Variants in TGM2 observed in about 807,000 individuals in gnomAD.
TGM2 encodes the protein transglutaminase 2.
Under a neutral mutation model 75.6 loss-of-function variants are expected in TGM2, and 53 were observed. The ratio of observed to expected loss-of-function variants is 0.70; its 90% confidence interval spans 0.56 to 0.88. The LOEUF is 0.88. TGM2 is among the 40% of genes least tolerant of loss of function. TGM2 has a pLI of 0.00. For synonymous variants in TGM2, 374 were observed against 381.1 expected, an observed-to-expected ratio of 0.98 and a Z score of 0.22; for missense variants, 842 against 928.5, an observed-to-expected ratio of 0.91 and a Z score of 1.21.
rs45595442 is a variant in TGM2 at position 38,129,644 on chromosome 20, G to A, written c.*575C>T. ...TGTGGGAGGCACCCAGCACATAGTAGGTGCTTCACAATGGTGAGGTTGAGG... is the reference window on the plus strand; with the variant it reads ...TGTGGGAGGCACCCAGCACATAGTAAGTGCTTCACAATGGTGAGGTTGAGG... On this transcript the variant is annotated 3_prime_UTR_variant, in exon 13 of 13. Coordinates refer to ENST00000361475, the MANE Select transcript of TGM2 (RefSeq NM_004613.4). 0.054 allele frequency: 8,315 copies of A among 154,780 alleles called. 674 individuals are homozygous for A. Among genetic ancestry groups the A allele is most frequent in the African/African-American group, 0.18 (7,397 of 41,536 alleles). The allele number at this position is 154,780 out of a possible 1,614,324, so 9.6% of individuals were successfully genotyped here.
chr20:38,134,590 T>C (rs2074875275), intron 10 of TGM2, among the ~76,000 whole-genome samples: 2 of 152,084 alleles, frequency 1.3e-5, no homozygotes, highest in African/African-American at 4.8e-5. Context: ...GTATGGTCAG[T>C]CTCAACCATT....
chr20:38,155,501 C>CAT (rs1209144218), intron 3 of TGM2, among the ~76,000 whole-genome samples: 1 of 152,068 alleles, frequency 6.6e-6, no homozygotes, highest in East Asian at 1.9e-4. Context: ...ACTACCACAC[C>CAT]CAGCTACTGT....
chr20:38,131,451 G>A (rs1200480785), intron 11 of TGM2, among the ~76,000 whole-genome samples: 2 of 148,824 alleles, frequency 1.3e-5, no homozygotes, highest in African/African-American at 5.0e-5. Flanking sequence ...GAGGCTCCAC[G>A]TGACCCAGGG....
At position 38,138,166 on chromosome 20, in the gene TGM2, C is replaced by A. The variant is rs1258477271; in HGVS notation, c.1562G>T (p.Gly521Val). ...ARTVSYNGIL[G>V]PECGTKYLLN... ...CAGGTACTTGGTGCCACACTCGGGC[C>A]CCAAGATCCCATTGTAGCTGACGGT... Residue 521 changes from glycine to valine, a missense_variant, in exon 10 of 13, where the codon GGG becomes GTG. Coordinates refer to ENST00000361475, the MANE Select transcript of TGM2 (RefSeq NM_004613.4). 1 of 1,604,882 alleles carries A rather than the reference C, an allele frequency of 6.2e-7. No individual in the cohort carries two copies. The highest frequency in any genetic ancestry group is 8.5e-7 in the Non-Finnish European group (1 of 1,175,906).
chr20:38,167,046 CTGAG>C (rs1358227197), upstream of TGM2, among the ~76,000 whole-genome samples: 1 of 152,144 alleles, frequency 6.6e-6, no homozygotes, highest in Non-Finnish European at 1.5e-5. Flanking sequence ...CCTCACAGGC[CTGAG>C]TAAGACTCAA....
chr20:38,131,420 T>C (rs2074832448), intron 11 of TGM2, among the ~76,000 whole-genome samples, 191 bp from the exon 12 acceptor site: 1 of 144,474 alleles, frequency 6.9e-6, no homozygotes, highest in African/African-American at 2.6e-5. Context: ...CCGGCCCAGG[T>C]CTCCTGCATG....
upstream of TGM2, chr20:38,165,294 C>A: frequency 6.3e-7 from 1 of 1,585,244 alleles, no homozygotes; most frequent in Non-Finnish European, 8.6e-7. Context: ...GCGGCGCTAA[C>A]TTATAGCCCG....
chr20:38,132,257 T>C, intron 11 of TGM2, 83 bp downstream of exon 11: 1 of 1,492,754 alleles, frequency 6.7e-7, no homozygotes, highest in Non-Finnish European at 9.3e-7. Context: ...GGGATGCAGG[T>C]GTGTGGGGTG....
intron 6 of TGM2, among the ~76,000 whole-genome samples, chr20:38,145,070 T>C (rs1177366945): frequency 3.9e-5 from 6 of 152,068 alleles, no homozygotes; most frequent in Non-Finnish European, 8.8e-5. Flanking sequence ...GAGGGAAGTG[T>C]CTGGCATGAA....
In TGM2 at chr20:38,128,748, G is replaced by C. The variant is rs1352984447; in HGVS notation, c.*1471C>G. The C allele has an allele frequency of 6.6e-6, 1 of 152,260 alleles. No homozygotes were observed. Among genetic ancestry groups the C allele is most frequent in the African/African-American group, 2.4e-5 (1 of 41,458 alleles). The allele number at this position is 152,260 out of a possible 1,614,324, so 9.4% of individuals were successfully genotyped here. A position where few individuals can be genotyped will look rare whatever the true frequency, so the allele number is the denominator to read the frequency against. ...AGAATCCCCAATTCTTCCAGCCCAA[G>C]GGAGGCCCAGTCATGTAGAAAGAGC... On this transcript the variant is annotated 3_prime_UTR_variant, in exon 13 of 13. Coordinates refer to ENST00000361475, the MANE Select transcript of TGM2 (RefSeq NM_004613.4).
chr20:38,166,065 G>A (rs888772276), upstream of TGM2, among the ~76,000 whole-genome samples: 1 of 152,184 alleles, frequency 6.6e-6, no homozygotes, highest in African/African-American at 2.4e-5. Context: ...CAAAGATGTG[G>A]CTACTCAGAG....
intron 10 of TGM2, 125 bp downstream of exon 10, chr20:38,137,988 C>T: frequency 6.8e-7 from 1 of 1,471,232 alleles, no homozygotes; most frequent in Non-Finnish European, 9.0e-7. Flanking sequence ...AGGACAGGGC[C>T]TGCCCCAGAG....
At chr20:38,145,110 G>A (rs1178667937) in intron 6 of TGM2, among the ~76,000 whole-genome samples, 5 of 152,168 alleles carry the variant, frequency 3.3e-5, no homozygotes, top group Non-Finnish European at 5.9e-5. Context: ...GGAATTCAGA[G>A]GTCACGGGGA....
intron 10 of TGM2, among the ~76,000 whole-genome samples, chr20:38,136,088 T>C (rs926656195): frequency 6.6e-5 from 10 of 152,306 alleles, no homozygotes; most frequent in African/African-American, 2.4e-4. Flanking sequence ...CCTGTCCTGG[T>C]ACCAAGAGGA....
chr20:38,139,463 C>A lies in TGM2; in HGVS notation c.1291G>T (p.Val431Leu), dbSNP rs200013031. ...ATATCCTCCCGCTCGTCTCGGCCCA[C>A]GCTCTTAGTGCTGATCTTCAGCCCA... ...IVGLKISTKS[V>L]GRDEREDITH... is the part of the protein sequence containing the mutation. Residue 431 changes from valine to leucine, a missense_variant, in exon 9 of 13, where the codon GTG (valine) becomes TTG (leucine). Transcript: ENST00000361475. The A allele has an allele frequency of 1.7e-5, 28 of 1,614,196 alleles. No homozygotes were observed. In the East Asian group the frequency reaches 6.0e-4, roughly 35 times the overall value.
At chr20:38,166,674 A>T (rs1458062634), upstream of TGM2, 2 of 152,246 alleles carry the variant, frequency 1.3e-5, no homozygotes, top group African/African-American at 4.8e-5. Flanking sequence ...AGATAGAAGT[A>T]GCCCCCGTCT....
intron 3 of TGM2, among the ~76,000 whole-genome samples, chr20:38,152,847 C>T (rs2075129686): frequency 6.6e-6 from 1 of 152,252 alleles, no homozygotes; most frequent in African/African-American, 2.4e-5. Flanking sequence ...CCACTCCAAC[C>T]CGCCGCCGGG....
intron 1 of TGM2, among the ~76,000 whole-genome samples, 156 bp downstream of exon 1, chr20:38,165,032 GA>G (rs944070349): frequency 1.3e-5 from 2 of 152,242 alleles, no homozygotes; most frequent in African/African-American, 4.8e-5. Flanking sequence ...TGTGGATGGG[GA>G]AACTGAGGCT....
intron 5 of TGM2, 21 bp from the exon 6 acceptor site, chr20:38,146,915 C>A: frequency 6.2e-7 from 1 of 1,609,376 alleles, no homozygotes; most frequent in South Asian, 1.1e-5. Context: ...TGGGGCAGCA[C>A]GGGGACTGAG....
Sources: gnomAD v4.1 joint callset for allele counts (sites outside exome capture counted in the v4.1 genomes callset) on GRCh38, gnomAD v4.1.1 for gene constraint, MANE v1.5 for transcripts, NCBI Gene and HGNC (gene_info 2026-07-23, HGNC 2026-07-21) for gene names.